Variants in EXOC4 observed in about 807,000 individuals in gnomAD.
EXOC4 encodes exocyst complex component 4, also known as SEC8-like 1.
A neutral mutation model predicts 107.2 loss-of-function variants in EXOC4; 71 were observed. The observed-to-expected ratio is 0.66, with a 90% CI of 0.55 to 0.81. The LOEUF is 0.81. Among genes scored for constraint, EXOC4 ranks in the 30% least tolerant of loss-of-function variants. The pLI, the probability that EXOC4 is intolerant of heterozygous loss-of-function variation, is 0.00. For synonymous variants in EXOC4, 456 were observed against 441.2 expected, an observed-to-expected ratio of 1.03 and a Z score of -0.42; for missense variants, 1,108 against 1,189.6, an observed-to-expected ratio of 0.93 and a Z score of 1.01.
At chr7:133,875,658 C>CA (rs1372341257) in intron 11 of EXOC4, among the ~76,000 whole-genome samples, 2 of 152,148 alleles carry the variant, frequency 1.3e-5, no homozygotes, top group African/African-American at 4.8e-5. Flanking sequence ...TGAGTTACTT[C>CA]ACACCTTTTT....
intron 17 of EXOC4, among the ~76,000 whole-genome samples, chr7:134,019,028 C>CT (rs1298785606): frequency 2.0e-5 from 3 of 152,178 alleles, no homozygotes; most frequent in Non-Finnish European, 4.4e-5. Flanking sequence ...CTCCCAGGTT[C>CT]AAGCGATTCT....
intron 10 of EXOC4, among the ~76,000 whole-genome samples, chr7:133,655,725 A>G (rs539627014): frequency 7.6e-4 from 116 of 152,310 alleles, no homozygotes; most frequent in South Asian, 6.4e-3. Flanking sequence ...GCCATCTCCT[A>G]GGATAACAAT....
At chr7:134,049,352 T>C (rs1378613840) in intron 17 of EXOC4, among the ~76,000 whole-genome samples, 1 of 152,212 alleles carries the variant, frequency 6.6e-6, no homozygotes, top group Non-Finnish European at 1.5e-5. Context: ...CCCACAGGTC[T>C]GTTAGGCTCT....
At chr7:133,640,904 G>A (rs1250520443) in intron 10 of EXOC4, among the ~76,000 whole-genome samples, 1 of 149,844 alleles carries the variant, frequency 6.7e-6, no homozygotes, top group Non-Finnish European at 1.5e-5. Flanking sequence ...ATCTTGCTGT[G>A]TTGCCCAGGC....
At chr7:133,412,264 A>G (rs1351630206) in intron 7 of EXOC4, among the ~76,000 whole-genome samples, 1 of 129,674 alleles carries the variant, frequency 7.7e-6, no homozygotes, top group East Asian at 2.4e-4. Flanking sequence ...TCTGGTCAAT[A>G]CTGTCAGAAT....
At chr7:133,736,584 C>G (rs1339925138) in intron 10 of EXOC4, among the ~76,000 whole-genome samples, 1 of 152,180 alleles carries the variant, frequency 6.6e-6, no homozygotes, top group African/African-American at 2.4e-5. Flanking sequence ...TTTATTCTTT[C>G]AAAGTAGGAG....
At chr7:133,918,907 A>G (rs1346356290) in intron 13 of EXOC4, among the ~76,000 whole-genome samples, 1 of 152,210 alleles carries the variant, frequency 6.6e-6, no homozygotes, top group African/African-American at 2.4e-5. Context: ...ATAAGGGCCC[A>G]TGTTTTCATT....
At chr7:134,069,264 C>T (rs1297023645), downstream of EXOC4, among the ~76,000 whole-genome samples, 1 of 150,330 alleles carries the variant, frequency 6.7e-6, no homozygotes, top group Non-Finnish European at 1.5e-5. Flanking sequence ...TACTTCCTCC[C>T]TCCTCTTCTC....
At chr7:134,005,460 C>A (rs940233798) in intron 16 of EXOC4, among the ~76,000 whole-genome samples, 5 of 152,112 alleles carry the variant, frequency 3.3e-5, no homozygotes, top group African/African-American at 1.2e-4. Flanking sequence ...CACTCATTGG[C>A]TAAAATTATC....
chr7:133,339,221 T>G (rs1332873390), intron 5 of EXOC4, among the ~76,000 whole-genome samples: 12 of 152,202 alleles, frequency 7.9e-5, no homozygotes. Flanking sequence ...TATGGCTGAT[T>G]AGTATTCCAT....
intron 10 of EXOC4, among the ~76,000 whole-genome samples, chr7:133,816,630 C>T (rs1797375509): frequency 6.6e-6 from 1 of 152,110 alleles, no homozygotes. Context: ...CCTTTTTTGG[C>T]ACAAGCACTG....
chr7:134,035,354 T>C (rs1795365829), intron 17 of EXOC4, among the ~76,000 whole-genome samples: 1 of 152,098 alleles, frequency 6.6e-6, no homozygotes, highest in Non-Finnish European at 1.5e-5. Flanking sequence ...CAAAAAGTTT[T>C]CTTAAAAGGG....
chr7:134,067,573 G>A (rs752187077), downstream of EXOC4, among the ~76,000 whole-genome samples: 7 of 150,614 alleles, frequency 4.6e-5, no homozygotes, highest in East Asian at 3.9e-4. Context: ...GTTAGCCTTC[G>A]TTGGAATAAA....
At chr7:133,321,269 G>C (rs1795104739) in intron 5 of EXOC4, among the ~76,000 whole-genome samples, 1 of 151,800 alleles carries the variant, frequency 6.6e-6, no homozygotes, top group Non-Finnish European at 1.5e-5. Context: ...AGAGTTGTGG[G>C]TGACTTTTTT....
intron 9 of EXOC4, among the ~76,000 whole-genome samples, chr7:133,494,033 A>G (rs1191664829): frequency 6.6e-6 from 1 of 152,240 alleles, no homozygotes; most frequent in Non-Finnish European, 1.5e-5. Context: ...AATTAATGGC[A>G]GCTGAAAATT....
intron 11 of EXOC4, among the ~76,000 whole-genome samples, chr7:133,865,571 C>G (rs539152897): frequency 6.6e-6 from 1 of 152,224 alleles, no homozygotes; most frequent in East Asian, 1.9e-4. Context: ...AAAGGACTAC[C>G]TAAGTCTAGA....
intron 10 of EXOC4, among the ~76,000 whole-genome samples, chr7:133,676,228 A>T (rs1291962632): frequency 1.3e-5 from 2 of 152,042 alleles, no homozygotes; most frequent in Non-Finnish European, 2.9e-5. Flanking sequence ...TATGAGAATA[A>T]GGTTGTTGTC....
At chr7:133,651,555 G>A (rs1219527677) in intron 10 of EXOC4, among the ~76,000 whole-genome samples, 1 of 152,128 alleles carries the variant, frequency 6.6e-6, no homozygotes, top group Non-Finnish European at 1.5e-5. Context: ...TAGCCTCATA[G>A]CATTAAACCA....
intron 14 of EXOC4, among the ~76,000 whole-genome samples, chr7:133,996,891 G>C (rs1230724662): frequency 1.3e-5 from 2 of 152,146 alleles, no homozygotes; most frequent in Non-Finnish European, 2.9e-5. Flanking sequence ...GCATAGAAAA[G>C]GGAAGACTTC....
Sources: allele counts gnomAD v4.1 joint callset (sites outside exome capture counted in the v4.1 genomes callset), GRCh38; gene constraint gnomAD v4.1.1; transcripts MANE v1.5; gene names NCBI Gene and HGNC (gene_info 2026-07-23, HGNC 2026-07-21).